The following ACOX3 variants were observed in gnomAD, a reference collection of about 807,000 sequenced individuals.
ACOX3 encodes peroxisomal acyl-coenzyme A oxidase 3.
A neutral mutation model predicts 81.5 loss-of-function variants in ACOX3; 73 were observed. That is an observed-to-expected ratio of 0.90 (90% confidence interval 0.74 to 1.09). The LOEUF (loss-of-function observed/expected upper bound fraction) is 1.09. Among genes scored for constraint, ACOX3 ranks in the 50% least tolerant of loss-of-function variants. The pLI, the probability that ACOX3 is intolerant of heterozygous loss-of-function variation, is 0.00. For missense variants in ACOX3, 947 were observed against 928.0 expected (o/e 1.02, Z -0.27); for synonymous variants, 387 against 375.1 (o/e 1.03, Z -0.37).
In ACOX3 at chr4:8,414,244, C is replaced by A; in HGVS notation, c.543+48G>T. On this transcript the variant is annotated intron_variant, in intron 5 of 17. Transcript: ENST00000356406. This position sits in a 1 kb window ranked among gnomAD's most constrained non-coding sequence, Gnocchi z 6.1. ...TGGGCAACGGCATTTGCACTCATGA[C>A]GTCTCATATGCTCCAAACTCAGGGA... The A allele has an allele frequency of 6.7e-7, 1 of 1,498,880 alleles. No individual in the cohort carries two copies. The highest frequency in any genetic ancestry group is 9.3e-7 in the Non-Finnish European group (1 of 1,076,500). 92.8% of individuals were successfully genotyped at this position (1,498,880 alleles called of 1,614,324 possible).
chr4:8,388,991 G>A (rs750002070), intron 13 of ACOX3, among the ~76,000 whole-genome samples, 182 bp downstream of exon 13: 10 of 152,122 alleles, frequency 6.6e-5, no homozygotes, highest in African/African-American at 1.4e-4. Context: ...CGCCTAACTC[G>A]GCGTCAGGCA....
intron 16 of ACOX3, among the ~76,000 whole-genome samples, 154 bp from the exon 17 acceptor site, chr4:8,371,148 C>T (rs10029196): frequency 3.9e-5 from 6 of 152,170 alleles, no homozygotes; most frequent in African/African-American, 7.2e-5. Context: ...ATCTCTTCAC[C>T]GGCCTGGATT....
chr4:8,438,926 G>A (rs62287360), intron 1 of ACOX3: 4,164 of 152,296 alleles, frequency 0.027, 70 homozygotes, highest in South Asian at 0.041. Flanking sequence ...TGGTCACTCC[G>A]GAGGCTGACC....
chr4:8,394,835 C>A lies in ACOX3; in HGVS notation c.1057-93G>T. On this transcript the variant is annotated intron_variant, in intron 9 of 17. Coordinates refer to ENST00000356406, the MANE Select transcript of ACOX3 (RefSeq NM_003501.3). The surrounding 1 kb of genome is among the most constrained non-coding windows in gnomAD (Gnocchi z 5.9). Reference sequence around the variant, plus strand: ...CATGAAAGCCAGTGCAGGGAGAGGCCGTCAGGGCCACACACCCACTAGCGC... The same window carrying A: ...CATGAAAGCCAGTGCAGGGAGAGGCAGTCAGGGCCACACACCCACTAGCGC... The A allele has an allele frequency of 6.7e-7, 1 of 1,488,126 alleles. No homozygotes were observed. 92.2% of individuals were successfully genotyped at this position (1,488,126 alleles called of 1,614,324 possible).
rs534063702 is a variant in ACOX3 at position 8,373,691 on chromosome 4, C to T, written c.1829-63G>A. ...AGTCCAAAACCACCCCCAATACCAA[C>T]ATGCCCTGAGTGCACTTTCCAAATC... On this transcript the variant is annotated intron_variant, in intron 15 of 17. Transcript: ENST00000356406. The T allele has an allele frequency of 4.6e-6, 7 of 1,507,456 alleles. No individual in the cohort carries two copies. In the Admixed American group the frequency reaches 5.6e-5, roughly 12 times the overall value. The allele number at this position is 1,507,456 out of a possible 1,614,324, so 93.4% of individuals were successfully genotyped here.
rs1718143218 is a variant in ACOX3, at chr4:8,385,057, C to A, written c.1538-3450G>T. ...CCCACCGAGGGCACCATGGCCTGGC[C>A]CCTGCCAGGTGGCATGGGGTGACCG... On this transcript the variant is annotated intron_variant, in intron 13 of 17. Coordinates refer to ENST00000356406, the MANE Select transcript of ACOX3 (RefSeq NM_003501.3). This position sits in a 1 kb window ranked among gnomAD's most constrained non-coding sequence, Gnocchi z 5.5. 6.6e-6 allele frequency among the ~76,000 whole-genome samples: 1 copy of A among 152,150 alleles called. No homozygotes were observed. Among genetic ancestry groups the A allele is most frequent in the South Asian group, 2.1e-4 (1 of 4,822 alleles).
chr4:8,397,336 G>A (rs1342552629), intron 8 of ACOX3, among the ~76,000 whole-genome samples: 1 of 152,206 alleles, frequency 6.6e-6, no homozygotes, highest in Non-Finnish European at 1.5e-5. Context: ...TGCCAGGGAG[G>A]GGACACCCAG....
rs112888603 is a variant in ACOX3, at chr4:8,437,114, T to TA, written c.-15+3533dup. On this transcript the variant is annotated intron_variant, in intron 1 of 17. Coordinates refer to ENST00000356406, the MANE Select transcript of ACOX3 (RefSeq NM_003501.3). This position sits in a 1 kb window ranked among gnomAD's most constrained non-coding sequence, Gnocchi z 5.2. ...AAATATATATATTTACATATATATG[T>TA]AAAAAAATATATGTAAATATATATA... Among the ~76,000 whole-genome samples, 100,390 of 142,004 alleles carry TA rather than the reference T, an allele frequency of 0.71. 36,230 individuals are homozygous for TA. The highest frequency in any genetic ancestry group is 0.85 in the African/African-American group (32,806 of 38,672). The allele number at this position is 142,004 out of a possible 152,430, so 93.2% of individuals were successfully genotyped here.
intron 10 of ACOX3, among the ~76,000 whole-genome samples, chr4:8,392,788 T>G (rs1719153399): frequency 6.6e-6 from 1 of 152,050 alleles, no homozygotes; most frequent in Admixed American, 6.5e-5. Flanking sequence ...AACGTCAAAG[T>G]GAATGACACA....
chr4:8,390,105 C>CAAAAAAAAAAA (rs752872641), intron 11 of ACOX3, among the ~76,000 whole-genome samples: 1 of 129,740 alleles, frequency 7.7e-6, no homozygotes, highest in African/African-American at 3.3e-5. Flanking sequence ...CCTGTCTCAA[C>CAAAAAAAAAAA]AACAACAACA....
intron 14 of ACOX3, among the ~76,000 whole-genome samples, chr4:8,377,425 C>A (rs114385665): frequency 3.3e-5 from 5 of 152,248 alleles, no homozygotes; most frequent in Non-Finnish European, 7.4e-5. Flanking sequence ...TAATGCATCG[C>A]GAGTGCCAGT....
chr4:8,374,698 G>A (rs1716694898), intron 15 of ACOX3: 1 of 348,088 alleles, frequency 2.9e-6, no homozygotes, highest in East Asian at 4.5e-5. Flanking sequence ...GCTCTCTGCA[G>A]AGCCCGGCAG....
chr4:8,356,227 A>G, the ACOX3 span: 3 of 313,434 alleles, frequency 9.6e-6, no homozygotes, highest in African/African-American at 4.3e-5. Flanking sequence ...CCCACATCCA[A>G]TAGACAGTGT....
chr4:8,376,733 G>T (rs1476614452), intron 14 of ACOX3, among the ~76,000 whole-genome samples: 1 of 152,166 alleles, frequency 6.6e-6, no homozygotes, highest in Admixed American at 6.5e-5. Context: ...ATGGGGCCTT[G>T]GGGCTTCCTG....
chr4:8,410,196 C>T lies in ACOX3; in HGVS notation c.687+16G>A, dbSNP rs765392849. 1 of 1,609,324 alleles carries T rather than the reference C, an allele frequency of 6.2e-7. No individual in the cohort carries two copies. The highest frequency in any genetic ancestry group is 8.5e-7 in the Non-Finnish European group (1 of 1,176,820). ...GGTAAACACTGCCCCCACTGAGGGC[C>T]ACCCCAGCGTCCTACCTGCACGATA... On this transcript the variant is annotated intron_variant, in intron 6 of 17. Transcript: ENST00000356406.
Position 8,395,322 on chromosome 4 carries a change from G to T in ACOX3, c.1057-580C>A, listed in dbSNP as rs530024951. On this transcript the variant is annotated intron_variant, in intron 9 of 17. Coordinates refer to ENST00000356406, the MANE Select transcript of ACOX3 (RefSeq NM_003501.3). ...TAGGTGGATGTGTGGGTGGGTGGATGGATGAATCCGTAGATGGGTAGATGG... is the reference window on the plus strand; with the variant it reads ...TAGGTGGATGTGTGGGTGGGTGGATTGATGAATCCGTAGATGGGTAGATGG... Among the ~76,000 whole-genome samples, 24 of 149,150 alleles carry T rather than the reference G, an allele frequency of 1.6e-4. 1 individual carries two copies. The South Asian group carries it at 4.9e-3, about 30-fold the overall frequency.
Position 8,432,061 on chromosome 4 carries a change from C to G in ACOX3, c.-15+8587G>C, listed in dbSNP as rs1013943818. On this transcript the variant is annotated intron_variant, in intron 1 of 17. Transcript: ENST00000356406. This position sits in a 1 kb window ranked among gnomAD's most constrained non-coding sequence, Gnocchi z 6.2. Reference sequence around the variant, plus strand: ...GCACCAAGAATGATCCATCACAGCTCAGCCACAGTCGTCACCACCACCCAG... The same window carrying G: ...GCACCAAGAATGATCCATCACAGCTGAGCCACAGTCGTCACCACCACCCAG... Among the ~76,000 whole-genome samples the G allele has an allele frequency of 3.9e-5, 6 of 152,216 alleles. No homozygotes were observed. Among genetic ancestry groups the G allele is most frequent in the African/African-American group, 1.4e-4 (6 of 41,460 alleles).
chr4:8,383,599 C>T (rs1717962977), intron 13 of ACOX3, among the ~76,000 whole-genome samples: 1 of 152,184 alleles, frequency 6.6e-6, no homozygotes, highest in South Asian at 2.1e-4. Context: ...GTAGCCCTGC[C>T]CCATCCTGAC....
intron 1 of ACOX3, among the ~76,000 whole-genome samples, chr4:8,421,751 C>T (rs1722972091): frequency 6.6e-6 from 1 of 152,108 alleles, no homozygotes; most frequent in Admixed American, 6.5e-5. Context: ...CCCTGGTGTC[C>T]CTCCCAATTT....
Sources: gnomAD v4.1 joint callset for allele counts (sites outside exome capture counted in the v4.1 genomes callset) on GRCh38, gnomAD v4.1.1 for gene constraint, Gnocchi (gnomAD v3.1) non-coding constraint, MANE v1.5 for transcripts, NCBI Gene and HGNC (gene_info 2026-07-23, HGNC 2026-07-21) for gene names.